Variants in PTPRK observed in about 807,000 individuals in gnomAD.
The protein encoded by PTPRK is receptor-type tyrosine-protein phosphatase kappa.
In PTPRK, 75 loss-of-function variants were observed where a neutral mutation model predicts 178.0. That is an observed-to-expected ratio of 0.42 (90% CI 0.35 to 0.51). The LOEUF (loss-of-function observed/expected upper bound fraction) is 0.51. Ranked by LOEUF, PTPRK falls within the 20% of genes least tolerant of loss-of-function variation. The pLI is 0.02. For missense variants in PTPRK, 1,441 were observed against 1,797.8 expected (o/e 0.80, Z 3.59); for synonymous variants, 637 against 620.6 (o/e 1.03, Z -0.39).
intron 7 of PTPRK, among the ~76,000 whole-genome samples, chr6:128,127,217 C>G (rs920819483): frequency 6.6e-6 from 1 of 152,190 alleles, no homozygotes; most frequent in Non-Finnish European, 1.5e-5. Flanking sequence ...AATTGGTTAA[C>G]TGTAGTACTC....
intron 6 of PTPRK, among the ~76,000 whole-genome samples, chr6:128,199,383 C>T (rs1805493737): frequency 6.6e-6 from 1 of 151,976 alleles, no homozygotes. Context: ...ATGTAAGATG[C>T]CATATACCTG....
At chr6:128,152,511 A>C (rs1043446304) in intron 7 of PTPRK, among the ~76,000 whole-genome samples, 1 of 151,716 alleles carries the variant, frequency 6.6e-6, no homozygotes, top group African/African-American at 2.4e-5. Flanking sequence ...AAGGAGAAAA[A>C]CTTAGAGAGA....
At chr6:128,447,743 C>T (rs1847217793) in intron 1 of PTPRK, among the ~76,000 whole-genome samples, 2 of 152,052 alleles carry the variant, frequency 1.3e-5, no homozygotes, top group South Asian at 4.2e-4. Context: ...TCCTGCCTCG[C>T]CTCCTGAGTA....
intron 7 of PTPRK, among the ~76,000 whole-genome samples, chr6:128,103,048 C>G (rs145250496): frequency 0.036 from 5,442 of 152,274 alleles, 161 homozygotes; most frequent in Middle Eastern, 0.092. Flanking sequence ...GCCCTATCCT[C>G]TTCCCATATT....
chr6:127,985,385 A>T (rs2114642483), intron 22 of PTPRK, among the ~76,000 whole-genome samples: 1 of 152,346 alleles, frequency 6.6e-6, no homozygotes, highest in South Asian at 2.1e-4. Flanking sequence ...TAGATTGGCA[A>T]GAAATGTCTA....
chr6:128,446,551 G>A (rs2128403214), intron 1 of PTPRK, among the ~76,000 whole-genome samples: 1 of 152,296 alleles, frequency 6.6e-6, no homozygotes, highest in East Asian at 1.9e-4. Flanking sequence ...CTGTGACACT[G>A]TTACATGTCA....
chr6:128,394,676 A>G (rs922738780), intron 2 of PTPRK, among the ~76,000 whole-genome samples: 2 of 152,122 alleles, frequency 1.3e-5, no homozygotes, highest in Admixed American at 6.5e-5. Context: ...AGTCATCATC[A>G]TTGTAATCTG....
chr6:128,308,438 A>T (rs1369035844), intron 3 of PTPRK, among the ~76,000 whole-genome samples: 3 of 151,908 alleles, frequency 2.0e-5, no homozygotes, highest in African/African-American at 7.2e-5. Context: ...TAATAAAAGA[A>T]AATTAAATAC....
At chr6:128,217,331 G>A (rs889513891) in intron 6 of PTPRK, among the ~76,000 whole-genome samples, 9 of 151,304 alleles carry the variant, frequency 5.9e-5, no homozygotes, top group African/African-American at 1.5e-4. Flanking sequence ...GAAAATAGTC[G>A]TATTTAATCT....
intron 14 of PTPRK, among the ~76,000 whole-genome samples, 158 bp from the exon 15 acceptor site, chr6:128,005,402 T>C (rs964947965): frequency 3.3e-5 from 5 of 151,690 alleles, no homozygotes; most frequent in Non-Finnish European, 7.4e-5. Flanking sequence ...AGTTTGACAT[T>C]CAAACAATTA....
chr6:128,340,597 G>A (rs1244087554), intron 2 of PTPRK, among the ~76,000 whole-genome samples: 1 of 151,936 alleles, frequency 6.6e-6, no homozygotes, highest in African/African-American at 2.4e-5. Context: ...GTTGAACTCT[G>A]CACAGATAAA....
intron 7 of PTPRK, among the ~76,000 whole-genome samples, chr6:128,142,373 G>A (rs934392768): frequency 1.3e-5 from 2 of 151,878 alleles, no homozygotes; most frequent in Non-Finnish European, 2.9e-5. Context: ...GATAGATTAA[G>A]TGTAATGAAG....
intron 25 of PTPRK, among the ~76,000 whole-genome samples, chr6:127,978,612 A>G (rs184393022): frequency 9.8e-5 from 15 of 152,350 alleles, no homozygotes; most frequent in Admixed American, 9.8e-4. Flanking sequence ...AAGTTAGAAG[A>G]AAGGAAGCTC....
intron 3 of PTPRK, among the ~76,000 whole-genome samples, chr6:128,252,582 T>C (rs1357170028): frequency 6.6e-6 from 1 of 152,208 alleles, no homozygotes; most frequent in South Asian, 2.1e-4. Flanking sequence ...GCATATTCTC[T>C]ATATCATTAA....
At chr6:128,310,045 T>C (rs1827006296) in intron 3 of PTPRK, among the ~76,000 whole-genome samples, 1 of 152,196 alleles carries the variant, frequency 6.6e-6, no homozygotes, top group African/African-American at 2.4e-5. Context: ...CTTTCTCTTA[T>C]CTTTCTTTTC....
chr6:128,268,286 G>C, intron 3 of PTPRK, among the ~76,000 whole-genome samples: 1 of 151,816 alleles, frequency 6.6e-6, no homozygotes, highest in East Asian at 1.9e-4. Flanking sequence ...AGTGAAAAAC[G>C]TATTACCAGA....
At chr6:128,402,185 T>C (rs537007546) in intron 1 of PTPRK, among the ~76,000 whole-genome samples, 154 of 152,370 alleles carry the variant, frequency 1.0e-3, no homozygotes, top group Non-Finnish European at 1.9e-3. Flanking sequence ...ATTGATAATC[T>C]GAGTAATACA....
chr6:128,497,841 G>A (rs186605164), intron 1 of PTPRK, among the ~76,000 whole-genome samples: 1 of 151,820 alleles, frequency 6.6e-6, no homozygotes, highest in East Asian at 1.9e-4. Context: ...TCATTAACTG[G>A]AGGTGGGGTG....
At chr6:128,458,744 T>C (rs561966177) in intron 1 of PTPRK, among the ~76,000 whole-genome samples, 3 of 152,300 alleles carry the variant, frequency 2.0e-5, no homozygotes, top group South Asian at 4.1e-4. Flanking sequence ...TAAAATTCAA[T>C]AAAACTAGAG....
Sources: gnomAD v4.1 joint callset for allele counts (sites outside exome capture counted in the v4.1 genomes callset) on GRCh38, gnomAD v4.1.1 for gene constraint, MANE v1.5 for transcripts, NCBI Gene and HGNC (gene_info 2026-07-23, HGNC 2026-07-21) for gene names.